RPL9: variants seen among roughly 807,000 people sequenced by gnomAD.
RPL9 encodes the protein large ribosomal subunit protein uL6.
For missense variants in RPL9, 149 were observed against 236.7 expected, an observed-to-expected ratio of 0.63 and a Z score of 2.43; for synonymous variants, 82 against 77.1, an observed-to-expected ratio of 1.06 and a Z score of -0.33.
chr4:39,458,252 C>T lies in RPL9; in HGVS notation c.104G>A (p.Arg35Gln). ...TACATTGATGTGATTGAAGTCCCTC[C>T]GCAGGGTTCCTCTGGGGCCCTTCAC... Reference protein sequence around the residue: ...VIVKGPRGTLRRDFNHINVEL... With the variant: ...VIVKGPRGTLQRDFNHINVEL... Residue 35 changes from arginine (R) to glutamine (Q), a missense_variant, in exon 3 of 8, where the codon CGG (arginine) becomes CAG (glutamine). Physicochemically the swap from Arg to Gln is conservative, Grantham distance 43. Transcript: ENST00000295955. The T allele has an allele frequency of 6.2e-7, 1 of 1,614,144 alleles. No homozygotes were observed. Among genetic ancestry groups the T allele is most frequent in the Non-Finnish European group, 8.5e-7 (1 of 1,180,026 alleles).
intron 5 of RPL9, 171 bp downstream of exon 5, chr4:39,456,235 A>T: frequency 1.5e-6 from 1 of 684,986 alleles, no homozygotes; most frequent in Non-Finnish European, 2.5e-6. Flanking sequence ...TAAACCCTTA[A>T]GTAGCACCAA....
chr4:39,457,746 T>C, intron 3 of RPL9, 65 bp from the exon 4 acceptor site: 1 of 1,285,698 alleles, frequency 7.8e-7, no homozygotes, highest in Non-Finnish European at 1.1e-6. Context: ...ACAGACCACT[T>C]ACCGAATTAC....
intron 4 of RPL9, 56 bp downstream of exon 4, chr4:39,457,530 C>G (rs1744153826): frequency 7.3e-7 from 1 of 1,366,712 alleles, no homozygotes; most frequent in Non-Finnish European, 1.0e-6. Flanking sequence ...CTGTATAAAG[C>G]ACAGGTTTGA....
chr4:39,457,351 A>AT (rs1256047932), intron 4 of RPL9: 69 of 288,830 alleles, frequency 2.4e-4, no homozygotes, highest in Non-Finnish European at 3.6e-4. Flanking sequence ...CCCAGCCTTG[A>AT]TTAAAAAAAA....
intron 4 of RPL9, chr4:39,456,880 G>T (rs1744107425): frequency 4.6e-6 from 1 of 216,650 alleles, no homozygotes; most frequent in Non-Finnish European, 9.2e-6. Flanking sequence ...CAAGCCAAAG[G>T]CAGGCCCCCT....
Position 39,456,539 on chromosome 4 carries a change from CTA to C in RPL9, c.259-3_259-2del, listed in dbSNP as rs748314838. ...CAGACCTCATCTTGTAACGGAAGCC[CTA>C]TGTTAAATAAATAAGCAAGCTATTA... is the stretch of plus-strand genomic sequence containing the variant. On this transcript the variant is annotated splice_acceptor_variant and splice_polypyrimidine_tract_variant and intron_variant, in intron 4 of 7. Transcript: ENST00000295955. LOFTEE classifies it high-confidence loss of function. 7.4e-6 allele frequency: 12 copies of C among 1,613,196 alleles called. No homozygotes were observed. Among genetic ancestry groups the C allele is most frequent in the Non-Finnish European group, 1.0e-5 (12 of 1,179,538 alleles).
chr4:39,455,019 T>C, intron 5 of RPL9, 75 bp from the exon 6 acceptor site: 2 of 1,408,632 alleles, frequency 1.4e-6, no homozygotes, highest in South Asian at 2.5e-5. Flanking sequence ...CACTAATTTA[T>C]TCCATGTAAA....
chr4:39,457,262 C>T, intron 4 of RPL9: 1 of 213,354 alleles, frequency 4.7e-6, no homozygotes, highest in Non-Finnish European at 9.4e-6. Flanking sequence ...TGCATGGTGG[C>T]TCATGCCTGC....
rs763054300 is a variant in RPL9 at position 39,454,514 on chromosome 4, A to G, written c.*10+19T>C. On this transcript the variant is annotated intron_variant, in intron 7 of 7. Transcript: ENST00000295955. ...TCAACTAGAGCAGTAATAAAACTTAAGACACTGTAAGAACTTACCTCTTAG... is the reference window on the plus strand; with the variant it reads ...TCAACTAGAGCAGTAATAAAACTTAGGACACTGTAAGAACTTACCTCTTAG... The G allele has an allele frequency of 3.2e-6, 5 of 1,555,518 alleles. No individual in the cohort carries two copies. In the African/African-American group the frequency reaches 4.1e-5, roughly 13 times the overall value.
At chr4:39,458,587 G>T in intron 1 of RPL9, 147 bp from the exon 2 acceptor site, 1 of 769,432 alleles carries the variant, frequency 1.3e-6, no homozygotes, top group South Asian at 1.7e-5. Context: ...GCGGGCCCCA[G>T]TGTGTCCCAG....
chr4:39,455,301 G>A (rs937626538), intron 5 of RPL9: 31 of 179,748 alleles, frequency 1.7e-4, no homozygotes, highest in Admixed American at 1.6e-3. Flanking sequence ...TTTAACATAA[G>A]GGTTTTCATT....
intron 4 of RPL9, 22 bp downstream of exon 4, chr4:39,457,560 CAAGG>C: frequency 6.3e-7 from 1 of 1,582,850 alleles, no homozygotes; most frequent in Non-Finnish European, 8.7e-7. Context: ...CTTTCCAAAA[CAAGG>C]AAGTCTGATA....
At chr4:39,457,508 GA>G (rs1293788487) in intron 4 of RPL9, 77 bp downstream of exon 4, 1 of 1,204,598 alleles carries the variant, frequency 8.3e-7, no homozygotes, top group Non-Finnish European at 1.2e-6. Context: ...TTCTCTGAAA[GA>G]GACACTTACG....
intron 1 of RPL9, 141 bp downstream of exon 1, chr4:39,458,750 G>C (rs1744246796): frequency 1.5e-6 from 1 of 665,564 alleles, no homozygotes; most frequent in African/African-American, 1.8e-5. Context: ...TTCGCATCTG[G>C]CGCCGCCAGG....
intron 4 of RPL9, 139 bp downstream of exon 4, chr4:39,457,447 C>T (rs550685720): frequency 1.5e-6 from 1 of 680,918 alleles, no homozygotes; most frequent in Non-Finnish European, 2.6e-6. Context: ...CCCACAGATG[C>T]CTATTTTTGC....
chr4:39,458,627 T>C, intron 1 of RPL9, 187 bp from the exon 2 acceptor site: 1 of 640,556 alleles, frequency 1.6e-6, no homozygotes, highest in Non-Finnish European at 2.7e-6. Flanking sequence ...AAGCGAGAAT[T>C]ACGAGGCCCA....
Position 39,456,399 on chromosome 4 carries a change from C to A in RPL9, c.391+7G>T. The A allele has an allele frequency of 1.2e-6, 2 of 1,614,074 alleles. No individual in the cohort carries two copies. Among genetic ancestry groups the A allele is most frequent in the Non-Finnish European group, 1.7e-6 (2 of 1,179,978 alleles). Reference sequence around the variant, plus strand: ...TTTCTTAATTCTGTCTGAGGGTATGCACATACCTGGTCTCATCCGAACCCT... The same window carrying A: ...TTTCTTAATTCTGTCTGAGGGTATGAACATACCTGGTCTCATCCGAACCCT... On this transcript the variant is annotated splice_region_variant and intron_variant, in intron 5 of 7. Transcript: ENST00000295955.
chr4:39,456,211 TC>T, intron 5 of RPL9, 194 bp downstream of exon 5: 1 of 622,896 alleles, frequency 1.6e-6, no homozygotes, highest in Non-Finnish European at 2.9e-6. Context: ...GAAATTGTAA[TC>T]GACATAATGA....
intron 3 of RPL9, 151 bp from the exon 4 acceptor site, chr4:39,457,832 C>T: frequency 1.4e-6 from 1 of 692,648 alleles, no homozygotes; most frequent in Non-Finnish European, 2.5e-6. Flanking sequence ...ATAAAACCTC[C>T]CAACAGTTAA....
Sources: allele counts gnomAD v4.1 joint callset, GRCh38; gene constraint gnomAD v4.1.1; transcripts MANE v1.5; gene names NCBI Gene and HGNC (gene_info 2026-07-23, HGNC 2026-07-21).